ATG13: variants seen among roughly 807,000 people sequenced by gnomAD.
ATG13 encodes the protein autophagy related 13, also known as autophagy-related protein 13.
In ATG13, 23 loss-of-function variants were observed where a neutral mutation model predicts 65.5. That is an observed-to-expected ratio of 0.35 (90% CI 0.25 to 0.50). ATG13 has a LOEUF of 0.50. Among genes scored for constraint, ATG13 ranks in the 20% least tolerant of loss-of-function variants. The pLI is 0.98. For synonymous variants in ATG13, 252 were observed against 245.2 expected (o/e 1.03, Z -0.26); for missense variants, 566 against 677.0 (o/e 0.84, Z 1.82).
rs556193895 is a variant in ATG13, at chr11:46,645,928, C to G, written c.209C>G (p.Ala70Gly). ...ACACATGAAGCAAAGAAGGCACTGG[C>G]AGGACAGCTGCCTGCAGTCGGGAGG... The part of the protein sequence containing the change: ...EVTHEAKKAL[A>G]GQLPAVGRSM... The change falls in exon 5 of 19, where the codon GCA (alanine) becomes GGA (glycine). Residue 70 changes from alanine (A) to glycine (G), a missense_variant. Physicochemically the swap from Ala to Gly is moderately conservative, Grantham distance 60 (BLOSUM62 0). Around this residue, in one of 2 missense-constraint regions of ATG13, gnomAD observed 179 missense variants for 267.2 expected, o/e 0.67. Transcript: ENST00000683050. The G allele has an allele frequency of 6.2e-7, 1 of 1,614,202 alleles. No homozygotes were observed. Among genetic ancestry groups the G allele is most frequent in the Non-Finnish European group, 8.5e-7 (1 of 1,180,018 alleles).
chr11:46,625,006 C>A (rs1015840035), intron 1 of ATG13, among the ~76,000 whole-genome samples: 8 of 151,940 alleles, frequency 5.3e-5, no homozygotes, highest in African/African-American at 1.9e-4. Flanking sequence ...GCAACAGAGA[C>A]CTTGTCTCCA....
rs1002021775 is a variant in ATG13 at position 46,645,355 on chromosome 11, T to A, written c.86T>A (p.Val29Asp). ...FFALKTVQVI[V>D]QARLGEKICT... ...TTTCTTTAGACTGTCCAAGTGATTG[T>A]CCAGGCTCGGCTTGGTGAAAAGATT... Residue 29 changes from valine (V) to aspartate (D), a missense_variant, in exon 4 of 19, where the codon GTC (valine) becomes GAC (aspartate). Coordinates refer to ENST00000683050, the MANE Select transcript of ATG13 (RefSeq NM_001346311.2). 6.2e-7 allele frequency: 1 copy of A among 1,613,798 alleles called. No individual in the cohort carries two copies. Among genetic ancestry groups the A allele is most frequent in the East Asian group, 2.2e-5 (1 of 44,882 alleles).
At chr11:46,667,656 C>T (rs1592247996) in intron 14 of ATG13, 117 bp from the exon 15 acceptor site, 1 of 644,280 alleles carries the variant, frequency 1.6e-6, no homozygotes, top group South Asian at 2.4e-5. Flanking sequence ...CATTGATGGG[C>T]CAGTGGGGAC....
intron 1 of ATG13, chr11:46,621,068 G>C (rs1051094147): frequency 2.6e-5 from 4 of 151,766 alleles, no homozygotes; most frequent in Non-Finnish European, 5.9e-5. Flanking sequence ...AGGCTGGAGT[G>C]TAGTGGTGTG....
intron 1 of ATG13, among the ~76,000 whole-genome samples, chr11:46,627,597 A>G (rs893000705): frequency 6.6e-6 from 1 of 151,812 alleles, no homozygotes; most frequent in Admixed American, 6.6e-5. Context: ...CAGCCTCCCA[A>G]GTAGCTGGGA....
intron 2 of ATG13, among the ~76,000 whole-genome samples, chr11:46,640,338 GTC>G (rs1347601578): frequency 6.6e-6 from 1 of 152,138 alleles, no homozygotes; most frequent in Non-Finnish European, 1.5e-5. Context: ...AGTATATTCA[GTC>G]TCTTGTTAAA....
At chr11:46,668,702 G>A in intron 16 of ATG13, 92 bp from the exon 17 acceptor site, 1 of 1,485,532 alleles carries the variant, frequency 6.7e-7, no homozygotes, top group South Asian at 1.1e-5. Context: ...TTTGTAGCCA[G>A]CATTAAGTTC....
chr11:46,654,401 C>T (rs1342382625), intron 7 of ATG13, among the ~76,000 whole-genome samples: 1 of 149,872 alleles, frequency 6.7e-6, no homozygotes, highest in Non-Finnish European at 1.5e-5. Flanking sequence ...GATCCCAGCA[C>T]TTTGGGAGAC....
At chr11:46,658,725 G>A (rs1168749793) in intron 10 of ATG13, among the ~76,000 whole-genome samples, 2 of 152,020 alleles carry the variant, frequency 1.3e-5, no homozygotes, top group African/African-American at 2.4e-5. Context: ...TAGTAGAGAC[G>A]GGGTTTCTCC....
Position 46,673,655 on chromosome 11 carries a change from G to A in ATG13, c.*1323G>A, listed in dbSNP as rs181977441. ...GGGTTTACCAGCTGGATTGGCTTCT[G>A]GTTGAGAAATCAAAGCTGGGCGTAT... is the stretch of plus-strand genomic sequence containing the variant. On this transcript the variant is annotated 3_prime_UTR_variant, in exon 19 of 19. Coordinates refer to ENST00000683050, the MANE Select transcript of ATG13 (RefSeq NM_001346311.2). The A allele has an allele frequency of 6.6e-6, 1 of 152,316 alleles. No homozygotes were observed. The highest frequency in any genetic ancestry group is 1.5e-5 in the Non-Finnish European group (1 of 68,042). 9.4% of individuals were successfully genotyped at this position (152,316 alleles called of 1,614,324 possible). A position where few individuals can be genotyped will look rare whatever the true frequency, so the allele number is the denominator to read the frequency against.
At chr11:46,660,402 A>G (rs1184204695) in intron 11 of ATG13, among the ~76,000 whole-genome samples, 2 of 101,208 alleles carry the variant, frequency 2.0e-5, no homozygotes, top group Admixed American at 1.0e-4. Flanking sequence ...TTTTTTTTTC[A>G]ATTTTTCTTT....
chr11:46,670,634 C>G (rs2063502041), intron 18 of ATG13, among the ~76,000 whole-genome samples: 1 of 152,018 alleles, frequency 6.6e-6, no homozygotes, highest in Non-Finnish European at 1.5e-5. Flanking sequence ...TGGTGAAACC[C>G]TGTCTCTACA....
intron 1 of ATG13, 166 bp downstream of exon 1, chr11:46,618,056 C>A: frequency 2.5e-6 from 1 of 396,402 alleles, no homozygotes. Flanking sequence ...TGGTCTAGGC[C>A]CCGTTGGCCC....
At chr11:46,626,772 T>C (rs2049814974) in intron 1 of ATG13, among the ~76,000 whole-genome samples, 2 of 152,242 alleles carry the variant, frequency 1.3e-5, no homozygotes, top group African/African-American at 2.4e-5. Context: ...ATTGTCATTT[T>C]CTAAGTCTGC....
chr11:46,660,933 C>T (rs1203209774), intron 11 of ATG13, among the ~76,000 whole-genome samples: 2 of 152,042 alleles, frequency 1.3e-5, no homozygotes, highest in Non-Finnish European at 2.9e-5. Flanking sequence ...TGGTCTTGAA[C>T]TTCTGGACTC....
chr11:46,629,265 C>A (rs2050820836), intron 1 of ATG13, among the ~76,000 whole-genome samples: 1 of 152,064 alleles, frequency 6.6e-6, no homozygotes, highest in Non-Finnish European at 1.5e-5. Flanking sequence ...TTTTCTGTCA[C>A]AAGAGATTAC....
chr11:46,618,780 A>G (rs948863420), intron 1 of ATG13, among the ~76,000 whole-genome samples: 2 of 151,842 alleles, frequency 1.3e-5, no homozygotes, highest in African/African-American at 4.8e-5. Flanking sequence ...TCCATTTATC[A>G]GCTCAGGAGA....
At chr11:46,665,708 C>A (rs1007850576) in intron 14 of ATG13, among the ~76,000 whole-genome samples, 189 bp downstream of exon 14, 1 of 151,692 alleles carries the variant, frequency 6.6e-6, no homozygotes, top group Non-Finnish European at 1.5e-5. Context: ...CTTTGGGAGG[C>A]CAAGGTGGGA....
At chr11:46,661,789 C>T (rs1455369153) in intron 11 of ATG13, among the ~76,000 whole-genome samples, 1 of 152,092 alleles carries the variant, frequency 6.6e-6, no homozygotes, top group Non-Finnish European at 1.5e-5. Flanking sequence ...TGAGATCGCA[C>T]CACTGCCCTC....
Sources: gnomAD v4.1 joint callset for allele counts (sites outside exome capture counted in the v4.1 genomes callset) on GRCh38, gnomAD v4.1.1 for gene constraint, gnomAD v4.1.1 regional missense constraint, MANE v1.5 for transcripts, NCBI Gene and HGNC (gene_info 2026-07-23, HGNC 2026-07-21) for gene names.